The following GON4L variants were observed in gnomAD, a reference collection of about 807,000 sequenced individuals.
GON4L encodes the protein gon-4 like.
GON4L carries 87 observed loss-of-function variants against 211.8 expected under a neutral mutation model. The ratio of observed to expected loss-of-function variants is 0.41; its 90% CI spans 0.35 to 0.49. The LOEUF is 0.49. Ranked by LOEUF, GON4L falls within the 20% of genes least tolerant of loss-of-function variation. The pLI, the probability that GON4L is intolerant of heterozygous loss-of-function variation, is 0.15. For synonymous variants in GON4L, 875 were observed against 962.6 expected (o/e 0.91, Z 1.68); for missense variants, 2,155 against 2,659.5 (o/e 0.81, Z 4.17).
rs1661663526 is a variant in GON4L at position 155,760,350 on chromosome 1, C to G, written c.5109+94G>C. 8.0e-6 allele frequency: 6 copies of G among 751,692 alleles called. No individual in the cohort carries two copies. In the Admixed American group the frequency reaches 1.5e-4, roughly 19 times the overall value. The allele number at this position is 751,692 out of a possible 1,614,324, so 46.6% of individuals were successfully genotyped here. A position where few individuals can be genotyped will look rare whatever the true frequency, so the allele number is the denominator to read the frequency against. ...GGGATGGCTGTGTGTCTGGAAGGAG[C>G]TGGGAGACTGAAAGAGTCTTATTCA... is the stretch of plus-strand genomic sequence containing the variant. On this transcript the variant is annotated intron_variant, in intron 24 of 31. Coordinates refer to ENST00000368331, the MANE Select transcript of GON4L (RefSeq NM_001282860.2).
downstream of GON4L, among the ~76,000 whole-genome samples, chr1:155,745,224 A>G (rs763383354): frequency 6.6e-6 from 1 of 152,240 alleles, no homozygotes; most frequent in Admixed American, 6.5e-5. Context: ...AATTGCATAA[A>G]CCATATTGAG....
intron 31 of GON4L, 114 bp from the exon 32 acceptor site, chr1:155,750,847 T>G: frequency 1.0e-6 from 1 of 993,438 alleles, no homozygotes; most frequent in Non-Finnish European, 1.5e-6. Flanking sequence ...TACTGCAACC[T>G]CCGTCTCCTG....
intron 6 of GON4L, among the ~76,000 whole-genome samples, chr1:155,818,288 T>A (rs866624388): frequency 2.4e-4 from 37 of 152,202 alleles, no homozygotes; most frequent in Middle Eastern, 3.4e-3. Context: ...ACTGTTGTAT[T>A]TTTAGTAGAG....
chr1:155,783,823 AAGG>A (rs1486689844), intron 14 of GON4L, among the ~76,000 whole-genome samples, 160 bp downstream of exon 14: 3 of 152,184 alleles, frequency 2.0e-5, no homozygotes, highest in Non-Finnish European at 4.4e-5. Flanking sequence ...GCCCCATAAC[AAGG>A]AGACTTCACT....
At chr1:155,774,899 T>A in intron 17 of GON4L, 103 bp downstream of exon 17, 1 of 1,383,676 alleles carries the variant, frequency 7.2e-7, no homozygotes, top group East Asian at 2.3e-5. Context: ...AAATGTCCTG[T>A]GTCCTCCATT....
rs767794638 is a variant in GON4L at position 155,853,598 on chromosome 1, T to C, written c.183A>G (p.Val61=). 2 of 1,614,148 alleles carry C rather than the reference T, an allele frequency of 1.2e-6. No homozygotes were observed. Residue 61 remains valine, a synonymous_variant, in exon 2 of 32, where the codon GTA becomes GTG. Coordinates refer to ENST00000368331, the MANE Select transcript of GON4L (RefSeq NM_001282860.2). ...GATTTCCTGCATCCTGCAAAGACTG[T>C]ACTTCGAAGCCAGCTACTCTGCCAT... The part of the protein sequence containing the change: ...PSHGRVAGFE[V]QSLQDAGNQL...
chr1:155,775,301 T>G, intron 16 of GON4L, 128 bp from the exon 17 acceptor site: 1 of 1,212,700 alleles, frequency 8.2e-7, no homozygotes, highest in Non-Finnish European at 1.2e-6. Flanking sequence ...CATCATAAAG[T>G]CTTTCACAAT....
rs1666511904 is a variant in GON4L, at chr1:155,800,297, C to T, written c.1645+4652G>A. 1.3e-5 allele frequency among the ~76,000 whole-genome samples: 2 copies of T among 152,178 alleles called. 1 individual carries two copies. Among genetic ancestry groups the T allele is most frequent in the Admixed American group, 1.3e-4 (2 of 15,268 alleles). On this transcript the variant is annotated intron_variant, in intron 11 of 31. Coordinates refer to ENST00000368331, the MANE Select transcript of GON4L (RefSeq NM_001282860.2). ...TTTAGGCCGGGCGTGGTGGCTCACA[C>T]CTGTAATCCCAGCACTTTGGGAGGC... is the stretch of plus-strand genomic sequence containing the variant.
downstream of GON4L, chr1:155,748,757 G>C: frequency 6.2e-7 from 1 of 1,614,150 alleles, no homozygotes; most frequent in Non-Finnish European, 8.5e-7. Context: ...AGTCAGTGGT[G>C]CTGAGGGTAT....
chr1:155,783,447 C>A (rs1349597149), intron 14 of GON4L, among the ~76,000 whole-genome samples: 1 of 152,182 alleles, frequency 6.6e-6, no homozygotes, highest in Admixed American at 6.5e-5. Flanking sequence ...AGTGCAGATG[C>A]AAATCCACCA....
chr1:155,793,871 A>G (rs889676746), intron 12 of GON4L, among the ~76,000 whole-genome samples: 1 of 152,112 alleles, frequency 6.6e-6, no homozygotes, highest in Non-Finnish European at 1.5e-5. Flanking sequence ...CAGCCTCCCA[A>G]AGTGCTGGGA....
rs375019691 is a variant in GON4L, at chr1:155,753,188, T to C, written c.5842+16A>G. 4.5e-5 allele frequency: 71 copies of C among 1,583,372 alleles called. No individual in the cohort carries two copies. Among genetic ancestry groups the C allele is most frequent in the East Asian group, 2.5e-4 (11 of 43,584 alleles). ...GAGACTGAGGAACAGAAGGGCTGCG[T>C]TGGCAAATCACTCACCTGAAACAGG... On this transcript the variant is annotated intron_variant, in intron 29 of 31. Transcript: ENST00000368331.
Position 155,822,397 on chromosome 1 carries a change from T to TTGACCCCTTCCA in GON4L, c.765_776dup (p.Gly258_Gln259insHisGlyArgGly). ...TCAGGTCATATGCCAAGGTCCCTTCTTGACCCCTTCCATCTCGTTTCCTCT... is the reference window on the plus strand; with the variant it reads ...TCAGGTCATATGCCAAGGTCCCTTCTTGACCCCTTCCATGACCCCTTCCATCTCGTTTCCTCT... On this transcript the variant is annotated inframe_insertion, in exon 4 of 32. Transcript: ENST00000368331. The TTGACCCCTTCCA allele has an allele frequency of 6.2e-7, 1 of 1,613,844 alleles. No individual in the cohort carries two copies.
At chr1:155,749,246 CTG>C (rs1660376176), downstream of GON4L, 3 of 1,550,588 alleles carry the variant, frequency 1.9e-6, no homozygotes, top group East Asian at 7.2e-5. Flanking sequence ...GAGCAAAACT[CTG>C]TCTCAAAAAG....
At chr1:155,748,793 G>C (rs1020368456), downstream of GON4L, 22 of 1,611,216 alleles carry the variant, frequency 1.4e-5, no homozygotes, top group Middle Eastern at 1.7e-4. Flanking sequence ...CACAAGGTGA[G>C]AGCTGTTGGT....
chr1:155,779,180 G>A (rs1664143679), intron 14 of GON4L, among the ~76,000 whole-genome samples: 1 of 145,000 alleles, frequency 6.9e-6, no homozygotes, highest in South Asian at 2.2e-4. Flanking sequence ...CGTGAACCCA[G>A]AAGGTGGAGC....
In GON4L at chr1:155,790,804, C is replaced by T. The variant is rs563296375; in HGVS notation, c.1747+4246G>A. Among the ~76,000 whole-genome samples, 3 of 151,658 alleles carry T rather than the reference C, an allele frequency of 2.0e-5. No homozygotes were observed. In the South Asian group the frequency reaches 6.2e-4, roughly 32 times the overall value. ...ACTAAAAATACAAAAATTAGCTGGG[C>T]ATGGTGGCGCGTGACTATAATCCCA... On this transcript the variant is annotated intron_variant, in intron 12 of 31. Coordinates refer to ENST00000368331, the MANE Select transcript of GON4L (RefSeq NM_001282860.2).
intron 12 of GON4L, among the ~76,000 whole-genome samples, chr1:155,790,014 C>T (rs1016893351): frequency 2.6e-5 from 4 of 152,080 alleles, no homozygotes; most frequent in Admixed American, 2.0e-4. Flanking sequence ...TCACAGCTCA[C>T]TGCAACCTTG....
intron 2 of GON4L, among the ~76,000 whole-genome samples, chr1:155,849,986 TAAAA>T (rs367553803): frequency 1.6e-5 from 2 of 124,318 alleles, no homozygotes; most frequent in African/African-American, 3.0e-5. Flanking sequence ...ATTCTGCTCT[TAAAA>T]AAAAAAAAAA....
Sources: allele counts gnomAD v4.1 joint callset (sites outside exome capture counted in the v4.1 genomes callset), GRCh38; gene constraint gnomAD v4.1.1; transcripts MANE v1.5; gene names NCBI Gene and HGNC (gene_info 2026-07-23, HGNC 2026-07-21).